The following KIDINS220 variants were observed in gnomAD, a reference collection of about 807,000 sequenced individuals.
KIDINS220 encodes the protein kinase D interacting substrate 220.
A neutral mutation model predicts 157.6 loss-of-function variants in KIDINS220; 63 were observed. The observed-to-expected ratio is 0.40, with a 90% CI of 0.33 to 0.49. The LOEUF (loss-of-function observed/expected upper bound fraction) is 0.49, where lower values mean the gene tolerates loss of function less well. Ranked by LOEUF, KIDINS220 falls within the 20% of genes least tolerant of loss-of-function variation. The pLI is 0.66. For missense variants in KIDINS220, 1,772 were observed against 2,171.2 expected, an observed-to-expected ratio of 0.82 and a Z score of 3.65; for synonymous variants, 732 against 783.6, an observed-to-expected ratio of 0.93 and a Z score of 1.10.
At chr2:8,812,365 C>A in intron 6 of KIDINS220, 30 bp downstream of exon 6, 1 of 1,292,832 alleles carries the variant, frequency 7.7e-7, no homozygotes. Flanking sequence ...ATAACATGGA[C>A]TGGAACCTGA....
intron 1 of KIDINS220, among the ~76,000 whole-genome samples, chr2:8,829,333 T>C (rs911262083): frequency 6.6e-6 from 1 of 152,236 alleles, no homozygotes; most frequent in African/African-American, 2.4e-5. Context: ...CAGTATACCT[T>C]ACTTTTAGGG....
chr2:8,751,447 AT>A lies in KIDINS220; in HGVS notation c.3190+18del. 1 of 1,568,614 alleles carries A rather than the reference AT, an allele frequency of 6.4e-7. No homozygotes were observed. Among genetic ancestry groups the A allele is most frequent in the Non-Finnish European group, 8.6e-7 (1 of 1,156,764 alleles). On this transcript the variant is annotated intron_variant, in intron 23 of 29. Coordinates refer to ENST00000256707, the MANE Select transcript of KIDINS220 (RefSeq NM_020738.4). ...CTTAGAACTTTAGATGAAAAATTAA[AT>A]TTACTACTAATACCCACCTGCAATA...
intron 22 of KIDINS220, among the ~76,000 whole-genome samples, chr2:8,769,220 T>A (rs779037900): frequency 1.2e-4 from 19 of 152,146 alleles, no homozygotes; most frequent in Non-Finnish European, 2.5e-4. Flanking sequence ...AGGAGGTCAG[T>A]AACACTAAGT....
At chr2:8,765,139 A>G (rs1669301088) in intron 22 of KIDINS220, among the ~76,000 whole-genome samples, 1 of 152,198 alleles carries the variant, frequency 6.6e-6, no homozygotes, top group South Asian at 2.1e-4. Flanking sequence ...AAGAGGGAGA[A>G]GGAGCCGGAG....
intron 21 of KIDINS220, among the ~76,000 whole-genome samples, chr2:8,771,827 C>T (rs1670276628): frequency 6.6e-6 from 1 of 152,124 alleles, no homozygotes; most frequent in Non-Finnish European, 1.5e-5. Context: ...ATTCCTCTTC[C>T]CTGGAAGGTG....
At chr2:8,733,378 T>C in intron 29 of KIDINS220, 66 bp downstream of exon 29, 1 of 1,321,096 alleles carries the variant, frequency 7.6e-7, no homozygotes, top group South Asian at 1.3e-5. Flanking sequence ...AATGCCCATA[T>C]AATCTCAGTG....
At chr2:8,767,391 T>C (rs1259814583) in intron 22 of KIDINS220, among the ~76,000 whole-genome samples, 12 of 152,258 alleles carry the variant, frequency 7.9e-5, no homozygotes, top group African/African-American at 2.9e-4. Context: ...ATAGCATGCA[T>C]TAAACAGTTT....
At chr2:8,749,239 T>C (rs990150869) in intron 24 of KIDINS220, 2 of 230,426 alleles carry the variant, frequency 8.7e-6, no homozygotes, top group Admixed American at 5.6e-5. Context: ...CTAAATTCTC[T>C]TTCTTCCCAG....
chr2:8,753,695 G>A (rs1418728597), intron 22 of KIDINS220, among the ~76,000 whole-genome samples: 1 of 152,206 alleles, frequency 6.6e-6, no homozygotes, highest in African/African-American at 2.4e-5. Flanking sequence ...AAGTGAAATG[G>A]GAACCTTATT....
At chr2:8,768,602 G>A (rs986087383) in intron 22 of KIDINS220, among the ~76,000 whole-genome samples, 1 of 151,894 alleles carries the variant, frequency 6.6e-6, no homozygotes, top group African/African-American at 2.4e-5. Context: ...TTTACTACTA[G>A]CGTTAAAAAT....
Position 8,744,404 on chromosome 2 carries a change from A to ATATC in KIDINS220, c.3585+2740_3585+2741insGATA, listed in dbSNP as rs1666244522. On this transcript the variant is annotated intron_variant, in intron 26 of 29. Coordinates refer to ENST00000256707, the MANE Select transcript of KIDINS220 (RefSeq NM_020738.4). Reference sequence around the variant, plus strand: ...AAAAAAAAAAATATATATATATAATATATATATATATATATATATATATAT... The same window carrying ATATC: ...AAAAAAAAAAATATATATATATAATATATCTATATATATATATATATATATATAT... Among the ~76,000 whole-genome samples the ATATC allele has an allele frequency of 1.2e-4, 3 of 24,520 alleles. 1 individual carries two copies. Among genetic ancestry groups the ATATC allele is most frequent in the Admixed American group, 4.1e-4 (1 of 2,432 alleles). 16.1% of individuals were successfully genotyped at this position (24,520 alleles called of 152,430 possible). A position where few individuals can be genotyped will look rare whatever the true frequency, so the allele number is the denominator to read the frequency against.
At chr2:8,777,987 C>T (rs1175300628) in intron 20 of KIDINS220, among the ~76,000 whole-genome samples, 2 of 152,026 alleles carry the variant, frequency 1.3e-5, no homozygotes, top group African/African-American at 2.4e-5. Flanking sequence ...TGGTAGCAAA[C>T]CAGAAAAAAA....
chr2:8,763,424 C>T (rs1037853130), intron 22 of KIDINS220, among the ~76,000 whole-genome samples: 1 of 152,152 alleles, frequency 6.6e-6, no homozygotes, highest in Non-Finnish European at 1.5e-5. Context: ...AACATCACGT[C>T]GGCACTCAGT....
chr2:8,794,867 C>G (rs1673690644), intron 11 of KIDINS220, among the ~76,000 whole-genome samples: 1 of 152,168 alleles, frequency 6.6e-6, no homozygotes, highest in African/African-American at 2.4e-5. Flanking sequence ...TTATCTTGAA[C>G]TTTTCATCTT....
rs565122779 is a variant in KIDINS220 at position 8,730,845 on chromosome 2, T to A, written c.5191A>T (p.Ser1731Cys). The A allele has an allele frequency of 1.9e-6, 3 of 1,614,238 alleles. No individual in the cohort carries two copies. Among genetic ancestry groups the A allele is most frequent in the Admixed American group, 3.3e-5 (2 of 60,028 alleles). ...PTTIQNENLK[S>C]MTHKRSQRSS... ...CGTTGGCTTCGCTTATGTGTCATGC[T>A]TTTTAGATTCTCATTCTGAATAGTG... is the stretch of plus-strand genomic sequence containing the variant. The change falls in exon 30 of 30, where the codon AGC becomes TGC. Residue 1731 changes from serine (S) to cysteine (C), a missense_variant. Coordinates refer to ENST00000256707, the MANE Select transcript of KIDINS220 (RefSeq NM_020738.4).
At chr2:8,742,786 C>T (rs981069497) in intron 26 of KIDINS220, among the ~76,000 whole-genome samples, 3 of 152,156 alleles carry the variant, frequency 2.0e-5, no homozygotes, top group South Asian at 2.1e-4. Flanking sequence ...ACTAGAATAG[C>T]GCCTCTTACA....
downstream of KIDINS220, chr2:8,721,926 AT>A (rs1330430392): frequency 6.6e-6 from 1 of 152,084 alleles, no homozygotes; most frequent in Non-Finnish European, 1.5e-5. Context: ...ACGGCAAGCC[AT>A]TTTATTATAA....
chr2:8,830,524 T>C (rs1402385998), intron 1 of KIDINS220, among the ~76,000 whole-genome samples: 2 of 152,156 alleles, frequency 1.3e-5, no homozygotes, highest in African/African-American at 4.8e-5. Context: ...GCTCAAGCGA[T>C]CCTCCCACCT....
At chr2:8,771,196 C>A (rs1670178948) in intron 21 of KIDINS220, among the ~76,000 whole-genome samples, 1 of 152,168 alleles carries the variant, frequency 6.6e-6, no homozygotes, top group Admixed American at 6.5e-5. Flanking sequence ...GACCCCAATC[C>A]TCTAAAGTGC....
Sources: allele counts gnomAD v4.1 joint callset (sites outside exome capture counted in the v4.1 genomes callset), GRCh38; gene constraint gnomAD v4.1.1; transcripts MANE v1.5; gene names NCBI Gene and HGNC (gene_info 2026-07-23, HGNC 2026-07-21).